ATRN: variants seen among roughly 807,000 people sequenced by gnomAD.
The protein encoded by ATRN is attractin.
ATRN carries 54 observed loss-of-function variants against 178.7 expected under a neutral mutation model. The observed-to-expected ratio is 0.30, with a 90% confidence interval of 0.24 to 0.38. The LOEUF (loss-of-function observed/expected upper bound fraction) is 0.38. Among genes scored for constraint, ATRN ranks in the 10% least tolerant of loss-of-function variants. The pLI is 1.00. For synonymous variants in ATRN, 636 were observed against 663.0 expected (o/e 0.96, Z 0.63); for missense variants, 1,443 against 1,815.1 (o/e 0.79, Z 3.73).
chr20:3,620,579 G>T (rs2086889467), intron 24 of ATRN, among the ~76,000 whole-genome samples: 1 of 152,192 alleles, frequency 6.6e-6, no homozygotes, highest in Admixed American at 6.5e-5. Context: ...AGAGTTTCCT[G>T]AAGTGTGGCC....
intron 6 of ATRN, among the ~76,000 whole-genome samples, chr20:3,555,685 A>G (rs780408413): frequency 1.3e-5 from 2 of 152,214 alleles, no homozygotes; most frequent in Non-Finnish European, 2.9e-5. Context: ...CCCTCACACT[A>G]AAGCTATGGA....
intron 1 of ATRN, among the ~76,000 whole-genome samples, chr20:3,518,156 T>C (rs1037649770): frequency 2.6e-5 from 4 of 152,324 alleles, no homozygotes; most frequent in African/African-American, 9.6e-5. Context: ...AATGACTGAT[T>C]CACTAAGATG....
chr20:3,560,713 A>G lies in ATRN; in HGVS notation c.1255A>G (p.Asn419Asp). ...GKIDSTGNVT[N>D]ELRVFHIHNE... The stretch of plus-strand genomic sequence containing the variant: ...AATTGATTCAACTGGGAATGTGACC[A>G]ATGAGTTGAGAGTTTTTCACATTCA... The change falls in exon 8 of 29, where the codon AAT (asparagine) becomes GAT (aspartate). Residue 419 changes from asparagine to aspartate, a missense_variant. By Grantham distance (23) the Asn-to-Asp change is conservative (BLOSUM62 1). This residue lies in a region of ATRN where 862 missense variants were observed against 972.1 expected (regional missense o/e 0.89). Coordinates refer to ENST00000262919, the MANE Select transcript of ATRN (RefSeq NM_139321.3). The G allele has an allele frequency of 6.2e-7, 1 of 1,613,674 alleles. No individual in the cohort carries two copies. Among genetic ancestry groups the G allele is most frequent in the Non-Finnish European group, 8.5e-7 (1 of 1,179,606 alleles).
intron 25 of ATRN, chr20:3,628,888 A>T (rs560011799): frequency 1.2e-4 from 119 of 984,120 alleles, no homozygotes; most frequent in Non-Finnish European, 1.0e-4. Flanking sequence ...CTCACTGTTG[A>T]TTTTTTCCCA....
intron 26 of ATRN, among the ~76,000 whole-genome samples, chr20:3,635,891 A>G (rs2087021658): frequency 6.6e-6 from 1 of 152,226 alleles, no homozygotes; most frequent in African/African-American, 2.4e-5. Flanking sequence ...TTAAAAGCCT[A>G]ATGAATTACG....
chr20:3,589,741 C>T (rs928746812), intron 18 of ATRN, among the ~76,000 whole-genome samples: 1 of 151,992 alleles, frequency 6.6e-6, no homozygotes, highest in African/African-American at 2.4e-5. Flanking sequence ...GCAAGCCAGC[C>T]TCAGGACACT....
intron 1 of ATRN, among the ~76,000 whole-genome samples, chr20:3,534,030 G>A (rs368725490): frequency 1.3e-5 from 2 of 152,080 alleles, no homozygotes; most frequent in Admixed American, 6.6e-5. Context: ...GATTGGCTTC[G>A]ACTAACATTT....
At chr20:3,475,031 C>CAAAA (rs1189030441) in intron 1 of ATRN, among the ~76,000 whole-genome samples, 4 of 55,792 alleles carry the variant, frequency 7.2e-5, no homozygotes, top group Admixed American at 1.9e-4. Context: ...GACTCCATCT[C>CAAAA]AAAAAAAAAA....
At chr20:3,559,286 A>G (rs2085919569) in intron 6 of ATRN, 107 bp from the exon 7 acceptor site, 2 of 838,008 alleles carry the variant, frequency 2.4e-6, no homozygotes, top group Non-Finnish European at 4.0e-6. Context: ...CCCTACATCC[A>G]TGGTGGATTT....
chr20:3,548,466 T>C (rs958329968), intron 5 of ATRN, among the ~76,000 whole-genome samples: 3 of 152,068 alleles, frequency 2.0e-5, no homozygotes, highest in Admixed American at 6.5e-5. Context: ...GTGGGCATGG[T>C]GGCAGGCACC....
intron 26 of ATRN, 42 bp downstream of exon 26, chr20:3,634,431 CT>C (rs2087011294): frequency 8.3e-6 from 13 of 1,558,274 alleles, no homozygotes; most frequent in East Asian, 4.5e-5. Context: ...CCTGGAAGAG[CT>C]TTTTTTCCTT....
intron 1 of ATRN, among the ~76,000 whole-genome samples, chr20:3,486,674 A>G (rs767735786): frequency 1.2e-4 from 19 of 152,064 alleles, no homozygotes; most frequent in Non-Finnish European, 2.4e-4. Flanking sequence ...GAGCCACCAC[A>G]CCAAACCATT....
In ATRN at chr20:3,535,588, TACACACACACACACAC is replaced by T. The variant is rs11468707; in HGVS notation, c.494+276_494+291del. Among the ~76,000 whole-genome samples, 9 of 143,104 alleles carry T rather than the reference TACACACACACACACAC, an allele frequency of 6.3e-5. No homozygotes were observed. In the South Asian group the frequency reaches 7.0e-4, roughly 11 times the overall value. The allele number at this position is 143,104 out of a possible 152,430, so 93.9% of individuals were successfully genotyped here. Reference sequence around the variant, plus strand: ...CCAACTGTAATAGTTCAGAAACGGTTACACACACACACACACACACACACACACACACACACACATA... The same window carrying T: ...CCAACTGTAATAGTTCAGAAACGGTTACACACACACACACACACACACATA... On this transcript the variant is annotated intron_variant, in intron 2 of 28. Transcript: ENST00000262919.
chr20:3,485,569 T>G (rs1163711791), intron 1 of ATRN, among the ~76,000 whole-genome samples: 2 of 149,936 alleles, frequency 1.3e-5, no homozygotes, highest in Admixed American at 6.7e-5. Context: ...TGTTTTTTAA[T>G]ACAGATTTTT....
At chr20:3,558,184 A>T (rs116913903) in intron 6 of ATRN, among the ~76,000 whole-genome samples, 57 of 152,348 alleles carry the variant, frequency 3.7e-4, no homozygotes, top group Middle Eastern at 6.8e-3. Context: ...ATATGAAAGT[A>T]TAGTAGAATT....
intron 18 of ATRN, 76 bp downstream of exon 18, chr20:3,584,956 G>T: frequency 7.2e-7 from 1 of 1,385,340 alleles, no homozygotes; most frequent in South Asian, 1.2e-5. Flanking sequence ...AAGCTACGTT[G>T]TGTATATGTA....
At chr20:3,607,438 GTT>G (rs1017856496) in intron 24 of ATRN, among the ~76,000 whole-genome samples, 3 of 152,066 alleles carry the variant, frequency 2.0e-5, no homozygotes, top group African/African-American at 7.2e-5. Flanking sequence ...CATGAGATCA[GTT>G]TTTTTAGCTC....
At chr20:3,481,181 T>C (rs2084615182) in intron 1 of ATRN, among the ~76,000 whole-genome samples, 1 of 152,234 alleles carries the variant, frequency 6.6e-6, no homozygotes. Context: ...CGTGACTTCC[T>C]TCTTATGAGG....
At position 3,591,549 on chromosome 20, in the gene ATRN, G is replaced by A. The variant is rs544297196; in HGVS notation, c.3322+243G>A. Among the ~76,000 whole-genome samples, 4 of 152,292 alleles carry A rather than the reference G, an allele frequency of 2.6e-5. No individual in the cohort carries two copies. In the South Asian group the frequency reaches 8.3e-4, roughly 32 times the overall value. ...TTGACCACATTCTGCAGTGGTATAAGCAAGGGCCCAAAACCAGAGAAAGTG... is the reference window on the plus strand; with the variant it reads ...TTGACCACATTCTGCAGTGGTATAAACAAGGGCCCAAAACCAGAGAAAGTG... On this transcript the variant is annotated intron_variant, in intron 19 of 28. Coordinates refer to ENST00000262919, the MANE Select transcript of ATRN (RefSeq NM_139321.3).
Sources: gnomAD v4.1 joint callset for allele counts (sites outside exome capture counted in the v4.1 genomes callset) on GRCh38, gnomAD v4.1.1 for gene constraint, gnomAD v4.1.1 regional missense constraint, MANE v1.5 for transcripts, NCBI Gene and HGNC (gene_info 2026-07-23, HGNC 2026-07-21) for gene names.